The following UGT1A3 variants were observed in gnomAD, a reference collection of about 807,000 sequenced individuals.
UGT1A3 encodes UDP-glucuronosyltransferase 1A3.
UGT1A3 carries 31 observed loss-of-function variants against 41.0 expected under a neutral mutation model. That is an observed-to-expected ratio of 0.76 (90% confidence interval 0.57 to 1.02). UGT1A3 has a LOEUF of 1.02. UGT1A3 is among the 50% of genes least tolerant of loss of function. The pLI is 0.00. For synonymous variants in UGT1A3, 262 were observed against 257.6 expected, an observed-to-expected ratio of 1.02 and a Z score of -0.17; for missense variants, 737 against 671.0, an observed-to-expected ratio of 1.10 and a Z score of -1.09.
intron 1 of UGT1A3, chr2:233,755,875 T>A (rs1402547099): frequency 2.6e-5 from 4 of 152,198 alleles, no homozygotes; most frequent in Non-Finnish European, 5.9e-5. Flanking sequence ...CTAACAAACC[T>A]TTTTATGTAA....
chr2:233,747,974 G>T lies in UGT1A3; in HGVS notation c.867+17981G>T, dbSNP rs1693825544. On this transcript the variant is annotated intron_variant, in intron 1 of 4. Coordinates refer to ENST00000482026, the MANE Select transcript of UGT1A3 (RefSeq NM_019093.4). ...TGGATCTTCTCAGCCATGCATCTGT[G>T]TGGCTGTTCCGAGGGGACTTTGTGA... 4 of 1,613,452 alleles carry T rather than the reference G, an allele frequency of 2.5e-6. No homozygotes were observed. The South Asian group carries it at 4.4e-5, about 18-fold the overall frequency.
chr2:233,736,069 TTGGGAAGTTCTCC>T (rs1429776969), intron 1 of UGT1A3, among the ~76,000 whole-genome samples: 1 of 152,194 alleles, frequency 6.6e-6, no homozygotes, highest in African/African-American at 2.4e-5. Flanking sequence ...CTTGCTAGGT[TTGGGAAGTTCTCC>T]TGGATAATAT....
chr2:233,756,159 C>T (rs1012245411), intron 1 of UGT1A3: 2 of 152,210 alleles, frequency 1.3e-5, no homozygotes, highest in Non-Finnish European at 2.9e-5. Context: ...CCTAGGATTT[C>T]CTGGCTCATA....
chr2:233,761,267 C>T, intron 1 of UGT1A3: 1 of 1,593,550 alleles, frequency 6.3e-7, no homozygotes, highest in South Asian at 1.1e-5. Flanking sequence ...TTTAAAATGC[C>T]CTCTTTTGTT....
chr2:233,762,218 A>G (rs1011647338), intron 1 of UGT1A3, among the ~76,000 whole-genome samples: 2 of 152,162 alleles, frequency 1.3e-5, no homozygotes, highest in African/African-American at 4.8e-5. Flanking sequence ...GCGCCCCATA[A>G]ATCTCAGCAC....
At chr2:233,738,412 C>G (rs988923331) in intron 1 of UGT1A3, among the ~76,000 whole-genome samples, 2 of 152,164 alleles carry the variant, frequency 1.3e-5, no homozygotes, top group African/African-American at 2.4e-5. Flanking sequence ...GGGTAACAGG[C>G]AGAGGCTGGA....
chr2:233,743,620 G>A (rs1195950260), intron 1 of UGT1A3: 2 of 1,367,320 alleles, frequency 1.5e-6, no homozygotes, highest in Non-Finnish European at 2.0e-6. Flanking sequence ...ACTCCCTGAA[G>A]ACGTCGGCTG....
chr2:233,748,690 T>C (rs1289414709), intron 1 of UGT1A3, among the ~76,000 whole-genome samples: 4 of 151,634 alleles, frequency 2.6e-5, no homozygotes, highest in Non-Finnish European at 5.9e-5. Context: ...ACAAAAGATT[T>C]TTCTGGTCAG....
chr2:233,767,857 G>C lies in UGT1A3; in HGVS notation c.1008G>C (p.Trp336Cys). The C allele has an allele frequency of 6.2e-7, 1 of 1,614,112 alleles. No individual in the cohort carries two copies. Among genetic ancestry groups the C allele is most frequent in the Non-Finnish European group, 8.5e-7 (1 of 1,180,034 alleles). The change falls in exon 3 of 5, where the codon TGG becomes TGC. Residue 336 changes from tryptophan to cysteine, a missense_variant. By Grantham distance (215) the Trp-to-Cys change is radical (BLOSUM62 -2). Transcript: ENST00000482026. ...ALGKIPQTVL[W>C]RYTGTRPSNL... The stretch of plus-strand genomic sequence containing the variant: ...CTTTTTGCCCCTCCCAGGTCCTGTG[G>C]CGGTACACTGGAACCCGACCATCGA...
At chr2:233,737,545 T>C (rs1322840903) in intron 1 of UGT1A3, among the ~76,000 whole-genome samples, 2 of 152,172 alleles carry the variant, frequency 1.3e-5, no homozygotes. Context: ...TGCTTCGGCT[T>C]GCCCTCAGTG....
In UGT1A3 at chr2:233,752,049, A is replaced by C. The variant is rs1694880379; in HGVS notation, c.868-14985A>C. On this transcript the variant is annotated intron_variant, in intron 1 of 4. Transcript: ENST00000482026. ...TCCTAGAAAGGTAAGCTGTTGTGTG[A>C]ATGATTTCCCGAGATGGGGAAGTCT... Among the ~76,000 whole-genome samples the C allele has an allele frequency of 2.0e-5, 3 of 152,224 alleles. 1 individual carries two copies. The highest frequency in any genetic ancestry group is 7.2e-5 in the African/African-American group (3 of 41,440).
At position 233,729,959 on chromosome 2, in the gene UGT1A3, G is replaced by T. The variant is rs1416622482; in HGVS notation, c.833G>T (p.Gly278Val). 2 of 1,614,018 alleles carry T rather than the reference G, an allele frequency of 1.2e-6. No individual in the cohort carries two copies. Among genetic ancestry groups the T allele is most frequent in the South Asian group, 2.2e-5 (2 of 91,074 alleles). Residue 278 changes from glycine to valine, a missense_variant, in exon 1 of 5, where the codon GGC (glycine) becomes GTC (valine). Transcript: ENST00000482026. Reference sequence around the variant, plus strand: ...ATGCCCAACATGGTCTTCATTGGGGGCATCAACTGTGCCAACAGGAAGCCA... The same window carrying T: ...ATGCCCAACATGGTCTTCATTGGGGTCATCAACTGTGCCAACAGGAAGCCA... ...PIMPNMVFIG[G>V]INCANRKPLS... is the part of the protein sequence containing the mutation.
chr2:233,748,577 A>T (rs1363502467), intron 1 of UGT1A3, among the ~76,000 whole-genome samples: 1 of 151,860 alleles, frequency 6.6e-6, no homozygotes, highest in Non-Finnish European at 1.5e-5. Context: ...AGTGTTAAAG[A>T]GGTTGACTCA....
At chr2:233,758,130 G>A (rs1468544509) in intron 1 of UGT1A3, among the ~76,000 whole-genome samples, 2 of 152,174 alleles carry the variant, frequency 1.3e-5, no homozygotes, top group African/African-American at 4.8e-5. Flanking sequence ...ATAAATATTT[G>A]GCAGATGAGG....
Position 233,743,587 on chromosome 2 carries a change from G to A in UGT1A3, c.867+13594G>A, listed in dbSNP as rs375891802. On this transcript the variant is annotated intron_variant, in intron 1 of 4. Transcript: ENST00000482026. ...GCGGGTTTCCCAAGAGGTCAAAGGA[G>A]AATGGGTCCTGGCCGCCGAAGAACT... The A allele has an allele frequency of 8.8e-6, 12 of 1,367,220 alleles. No individual in the cohort carries two copies. In the East Asian group the frequency reaches 1.4e-4, roughly 16 times the overall value. 84.7% of individuals were successfully genotyped at this position (1,367,220 alleles called of 1,614,324 possible).
At chr2:233,759,343 G>A (rs548174363) in intron 1 of UGT1A3, among the ~76,000 whole-genome samples, 89 of 152,214 alleles carry the variant, frequency 5.8e-4, no homozygotes, top group Non-Finnish European at 1.2e-3. Context: ...TCAGGTGAGC[G>A]CTGAAAATCT....
chr2:233,766,403 C>T (rs889722071), intron 1 of UGT1A3, among the ~76,000 whole-genome samples: 1 of 152,294 alleles, frequency 6.6e-6, no homozygotes, highest in South Asian at 2.1e-4. Flanking sequence ...TGCGTCCCTC[C>T]GCTGATGTGC....
At chr2:233,768,582 CTTTTTTTTTT>C (rs139595073) in intron 4 of UGT1A3, 143 bp downstream of exon 4, 137,204 of 1,033,644 alleles carry the variant, frequency 0.13, 3,227 homozygotes, top group African/African-American at 0.2. Flanking sequence ...TTTATTTCTT[CTTTTTTTTTT>C]TTTTTTTTTT....
chr2:233,753,154 C>T lies in UGT1A3; in HGVS notation c.868-13880C>T, dbSNP rs369458076. On this transcript the variant is annotated intron_variant, in intron 1 of 4. Transcript: ENST00000482026. The stretch of plus-strand genomic sequence containing the variant: ...TGAGTATCTTCACACATGTAAGTTC[C>T]CTTATCCGGATCACTAAAAAATGAA... 1.2e-4 allele frequency: 18 copies of T among 152,308 alleles called. No homozygotes were observed. The South Asian group carries it at 1.9e-3, about 16-fold the overall frequency. 9.4% of individuals were successfully genotyped at this position (152,308 alleles called of 1,614,324 possible). A position where few individuals can be genotyped will look rare whatever the true frequency, so the allele number is the denominator to read the frequency against.
Sources: gnomAD v4.1 joint callset for allele counts (sites outside exome capture counted in the v4.1 genomes callset) on GRCh38, gnomAD v4.1.1 for gene constraint, MANE v1.5 for transcripts, NCBI Gene and HGNC (gene_info 2026-07-23, HGNC 2026-07-21) for gene names.